Variants in BMAL1 observed in about 807,000 individuals in gnomAD.
BMAL1 encodes basic helix-loop-helix ARNT-like protein 1.
the BMAL1 span, among the ~76,000 whole-genome samples, chr11:13,333,062 G>A: frequency 2.2e-3 from 339 of 151,838 alleles, 1 homozygote; most frequent in African/African-American, 7.0e-3. Flanking sequence ...TGCCTGCTGG[G>A]TTCAAGTGAT....
chr11:13,344,733 C>T, the BMAL1 span, among the ~76,000 whole-genome samples: 5 of 152,144 alleles, frequency 3.3e-5, no homozygotes, highest in Admixed American at 1.3e-4. Context: ...AGGGCCCCAT[C>T]AGCCTCTCAC....
chr11:13,385,621 T>C, the BMAL1 span: 3 of 1,203,786 alleles, frequency 2.5e-6, no homozygotes, highest in Non-Finnish European at 3.7e-6. Flanking sequence ...CACCCCATGC[T>C]TCATTTTCCT....
At chr11:13,334,233 G>T in the BMAL1 span, among the ~76,000 whole-genome samples, 1 of 152,202 alleles carries the variant, frequency 6.6e-6, no homozygotes, top group African/African-American at 2.4e-5. Flanking sequence ...CGTGCTCTTA[G>T]TTGTGGTGCA....
At chr11:13,280,060 AG>A in the BMAL1 span, among the ~76,000 whole-genome samples, 1 of 152,212 alleles carries the variant, frequency 6.6e-6, no homozygotes, top group Non-Finnish European at 1.5e-5. Context: ...GTGATCTCAA[AG>A]GTTCCTCTCT....
At chr11:13,366,110 T>C in the BMAL1 span, among the ~76,000 whole-genome samples, 2 of 152,276 alleles carry the variant, frequency 1.3e-5, no homozygotes, top group East Asian at 1.9e-4. Flanking sequence ...TATTCATTTA[T>C]TCATTCACTC....
At chr11:13,347,434 A>G in the BMAL1 span, among the ~76,000 whole-genome samples, 1 of 152,210 alleles carries the variant, frequency 6.6e-6, no homozygotes, top group Non-Finnish European at 1.5e-5. Context: ...ACCAAAATCT[A>G]TATTAGCATT....
the BMAL1 span, chr11:13,378,725 G>A: frequency 2.5e-6 from 1 of 393,724 alleles, no homozygotes; most frequent in East Asian, 6.0e-5. Context: ...AAATAAAGAA[G>A]CTAAACCAAA....
At chr11:13,378,457 C>T in the BMAL1 span, 1 of 1,604,742 alleles carries the variant, frequency 6.2e-7, no homozygotes, top group Non-Finnish European at 8.5e-7. Context: ...CAAGTAACAC[C>T]TTCTAGTTCC....
At chr11:13,360,036 C>T in the BMAL1 span, among the ~76,000 whole-genome samples, 1 of 152,222 alleles carries the variant, frequency 6.6e-6, no homozygotes, top group Admixed American at 6.5e-5. Flanking sequence ...ACTTCCAGAG[C>T]TGCCTTCTTT....
At chr11:13,367,205 G>T in the BMAL1 span, among the ~76,000 whole-genome samples, 1 of 152,140 alleles carries the variant, frequency 6.6e-6, no homozygotes, top group Non-Finnish European at 1.5e-5. Context: ...TATAAATATG[G>T]TGTTTCTTCA....
the BMAL1 span, among the ~76,000 whole-genome samples, chr11:13,336,641 C>T: frequency 6.6e-6 from 1 of 152,284 alleles, no homozygotes; most frequent in African/African-American, 2.4e-5. Flanking sequence ...GAGAGAGCAA[C>T]CGTCACTAGG....
the BMAL1 span, among the ~76,000 whole-genome samples, chr11:13,285,024 T>G: frequency 6.6e-6 from 1 of 152,314 alleles, no homozygotes; most frequent in East Asian, 1.9e-4. Flanking sequence ...GGGTCTTTGC[T>G]TAAATTGTTC....
chr11:13,304,907 T>A, the BMAL1 span, among the ~76,000 whole-genome samples: 1 of 152,224 alleles, frequency 6.6e-6, no homozygotes, highest in African/African-American at 2.4e-5. Flanking sequence ...ATCAGACCTC[T>A]CTACTGCAGA....
the BMAL1 span, among the ~76,000 whole-genome samples, chr11:13,320,938 A>G: frequency 6.6e-6 from 1 of 152,248 alleles, no homozygotes; most frequent in African/African-American, 2.4e-5. Context: ...GGAGTTCGAC[A>G]GAGAAGATAG....
the BMAL1 span, among the ~76,000 whole-genome samples, chr11:13,308,571 G>A: frequency 4.7e-4 from 72 of 152,254 alleles, no homozygotes; most frequent in African/African-American, 1.7e-3. Context: ...GAGAGCTAGA[G>A]GGCATGATTA....
chr11:13,324,392 T>C, the BMAL1 span, among the ~76,000 whole-genome samples: 1 of 152,012 alleles, frequency 6.6e-6, no homozygotes, highest in Non-Finnish European at 1.5e-5. Flanking sequence ...TTCTTACTGT[T>C]CCCCCTGTTG....
the BMAL1 span, among the ~76,000 whole-genome samples, chr11:13,284,102 G>GTA: frequency 4.3e-5 from 4 of 93,138 alleles, no homozygotes; most frequent in African/African-American, 1.4e-4. Flanking sequence ...GTGTGTGTGT[G>GTA]TGTGTGTGTA....
At chr11:13,293,027 G>A in the BMAL1 span, among the ~76,000 whole-genome samples, 15 of 152,158 alleles carry the variant, frequency 9.9e-5, no homozygotes, top group Admixed American at 4.6e-4. Context: ...GAAAGCTAGC[G>A]GTCTGCTGTG....
the BMAL1 span, among the ~76,000 whole-genome samples, chr11:13,291,683 T>C: frequency 3.3e-5 from 5 of 152,230 alleles, no homozygotes; most frequent in African/African-American, 7.2e-5. Context: ...AATATTCTGA[T>C]TCACTGTATT....
Sources: allele counts gnomAD v4.1 joint callset (sites outside exome capture counted in the v4.1 genomes callset), GRCh38; gene constraint gnomAD v4.1.1; transcripts MANE v1.5; gene names NCBI Gene and HGNC (gene_info 2026-07-23, HGNC 2026-07-21).